Variants in SHISAL2A observed in about 807,000 individuals in gnomAD.
SHISAL2A encodes shisa like 2A, also known as protein shisa-like-2A.
In SHISAL2A, 18 loss-of-function variants were observed where a neutral mutation model predicts 11.5. The ratio of observed to expected loss-of-function variants is 1.57; its 90% confidence interval spans 1.08 to 2.33. The LOEUF (loss-of-function observed/expected upper bound fraction) is 2.33. Ranked by LOEUF, SHISAL2A falls within the 30% of genes most tolerant of loss-of-function variation. SHISAL2A has a pLI of 0.00. For missense variants in SHISAL2A, 261 were observed against 250.9 expected, an observed-to-expected ratio of 1.04 and a Z score of -0.27; for synonymous variants, 94 against 99.6, an observed-to-expected ratio of 0.94 and a Z score of 0.34.
At chr1:52,654,254 TAGATAGAC>T (rs1223182789) in intron 2 of SHISAL2A, among the ~76,000 whole-genome samples, 61 of 150,760 alleles carry the variant, frequency 4.0e-4, no homozygotes, top group East Asian at 1.4e-3. Context: ...GATAGATAGA[TAGATAGAC>T]AGATAGATAG....
At chr1:52,668,386 A>G (rs1571709245) in intron 5 of SHISAL2A, 1 of 150,564 alleles carries the variant, frequency 6.6e-6, no homozygotes, top group South Asian at 2.1e-4. Flanking sequence ...AATGCCCCCC[A>G]CCCCTCCCTG....
chr1:52,664,378 C>T (rs891054452), intron 4 of SHISAL2A, among the ~76,000 whole-genome samples: 8 of 149,720 alleles, frequency 5.3e-5, no homozygotes, highest in African/African-American at 2.0e-4. Context: ...TTTTTGAAAC[C>T]GAGTTTTGCT....
chr1:52,647,548 A>C (rs1325902261), intron 2 of SHISAL2A, among the ~76,000 whole-genome samples: 1 of 152,194 alleles, frequency 6.6e-6, no homozygotes, highest in Admixed American at 6.5e-5. Flanking sequence ...AATGCAATTC[A>C]AAAATGATAC....
intron 2 of SHISAL2A, among the ~76,000 whole-genome samples, chr1:52,644,191 G>A (rs748993780): frequency 1.2e-4 from 19 of 152,158 alleles, no homozygotes; most frequent in Non-Finnish European, 2.5e-4. Context: ...AAAATTGTTT[G>A]ATACAAAGTG....
chr1:52,635,439 A>G (rs955724657), intron 1 of SHISAL2A, among the ~76,000 whole-genome samples: 1 of 150,906 alleles, frequency 6.6e-6, no homozygotes, highest in African/African-American at 2.4e-5. Context: ...GGGAATGCCA[A>G]TTGGTTGGGT....
At chr1:52,644,553 T>C (rs1401915627) in intron 2 of SHISAL2A, among the ~76,000 whole-genome samples, 2 of 151,810 alleles carry the variant, frequency 1.3e-5, no homozygotes, top group Non-Finnish European at 2.9e-5. Flanking sequence ...GGCAAAACCC[T>C]GTCTCTACTA....
At chr1:52,667,372 T>G in intron 4 of SHISAL2A, 1 of 983,192 alleles carries the variant, frequency 1.0e-6, no homozygotes, top group Non-Finnish European at 1.2e-6. Flanking sequence ...TTTCAAAGAT[T>G]TGTTCACATT....
intron 2 of SHISAL2A, among the ~76,000 whole-genome samples, chr1:52,649,203 A>G (rs1165871419): frequency 2.0e-5 from 3 of 152,104 alleles, no homozygotes; most frequent in Admixed American, 6.6e-5. Flanking sequence ...TCTTACATTC[A>G]TCAGAGCTTT....
intron 2 of SHISAL2A, 34 bp from the exon 3 acceptor site, chr1:52,656,756 G>T: frequency 6.4e-7 from 1 of 1,567,454 alleles, no homozygotes; most frequent in South Asian, 1.2e-5. Flanking sequence ...TGGGGAAGAA[G>T]AGAGCCACAC....
rs1486785726 is a variant in SHISAL2A, at chr1:52,633,583, T to C, written c.90T>C (p.Ala30=). ...SCPRPGGEAA[A]VFCCGFRDHK... ...CGCGGCCGGGGGGCGAGGCGGCCGC[T>C]GTCTTCTGCTGCGGCTTCCGCGACC... The change falls in exon 1 of 3, where the codon GCT becomes GCC. Residue 30 remains alanine, a synonymous_variant. Transcript: ENST00000517870. The surrounding 1 kb of genome is among the most constrained non-coding windows in gnomAD (Gnocchi z 6.4). 2 of 1,611,888 alleles carry C rather than the reference T, an allele frequency of 1.2e-6. No homozygotes were observed. Among genetic ancestry groups the C allele is most frequent in the Non-Finnish European group, 1.7e-6 (2 of 1,179,182 alleles).
chr1:52,647,119 C>T (rs1297998013), intron 2 of SHISAL2A, among the ~76,000 whole-genome samples: 1 of 152,150 alleles, frequency 6.6e-6, no homozygotes, highest in Non-Finnish European at 1.5e-5. Context: ...CAGGTGTGAG[C>T]CACTGTACCT....
chr1:52,648,727 G>A (rs1691560197), intron 2 of SHISAL2A, among the ~76,000 whole-genome samples: 1 of 152,136 alleles, frequency 6.6e-6, no homozygotes, highest in Non-Finnish European at 1.5e-5. Flanking sequence ...TGTGGAGCTG[G>A]AAATCAAACA....
chr1:52,667,522 T>C (rs2149898226), exon 5 of SHISAL2A: 1 of 349,780 alleles, frequency 2.9e-6, no homozygotes, highest in African/African-American at 2.2e-5. Context: ...TCATCATCAT[T>C]GTCATCGTCA....
chr1:52,653,024 C>G (rs1418355680), intron 2 of SHISAL2A, among the ~76,000 whole-genome samples: 1 of 122,310 alleles, frequency 8.2e-6, no homozygotes, highest in African/African-American at 3.1e-5. Context: ...AGCAAGGTCA[C>G]AGTAAAGTCA....
intron 4 of SHISAL2A, among the ~76,000 whole-genome samples, chr1:52,665,056 A>G (rs1417364709): frequency 6.6e-6 from 1 of 152,196 alleles, no homozygotes; most frequent in Non-Finnish European, 1.5e-5. Flanking sequence ...TTTGATCTGC[A>G]CAATACTTAA....
In SHISAL2A at chr1:52,633,930, C is replaced by T. The variant is rs1252291649; in HGVS notation, c.182+255C>T. Among the ~76,000 whole-genome samples, 1 of 152,050 alleles carries T rather than the reference C, an allele frequency of 6.6e-6. No homozygotes were observed. ...ATCCAAAACAATCCTCACTCTATCC[C>T]CACCCCAAACTTCATTCCATCACCA... is the stretch of plus-strand genomic sequence containing the variant. On this transcript the variant is annotated intron_variant, in intron 1 of 2. Transcript: ENST00000517870. The surrounding 1 kb of genome is among the most constrained non-coding windows in gnomAD (Gnocchi z 6.4).
chr1:52,646,854 G>C (rs1332290374), intron 2 of SHISAL2A, among the ~76,000 whole-genome samples: 1 of 151,920 alleles, frequency 6.6e-6, no homozygotes, highest in Non-Finnish European at 1.5e-5. Context: ...TTTTGAGATG[G>C]AGTCTTGCTC....
At chr1:52,666,225 G>A (rs1215387762) in intron 4 of SHISAL2A, among the ~76,000 whole-genome samples, 1 of 152,134 alleles carries the variant, frequency 6.6e-6, no homozygotes, top group Admixed American at 6.5e-5. Context: ...ACTGAGACGG[G>A]GGGATCACTT....
intron 2 of SHISAL2A, among the ~76,000 whole-genome samples, chr1:52,645,194 G>T (rs1345550313): frequency 1.3e-5 from 2 of 152,150 alleles, no homozygotes; most frequent in Non-Finnish European, 2.9e-5. Flanking sequence ...AACAGCACAA[G>T]AACCCTTCTC....
Sources: allele counts gnomAD v4.1 joint callset (sites outside exome capture counted in the v4.1 genomes callset), GRCh38; gene constraint gnomAD v4.1.1; non-coding constraint Gnocchi (gnomAD v3.1); transcripts MANE v1.5; gene names NCBI Gene and HGNC (gene_info 2026-07-23, HGNC 2026-07-21).